Variants in MIER1 observed in about 807,000 individuals in gnomAD.
MIER1 encodes the protein MIER1 transcriptional regulator.
In MIER1, 40 loss-of-function variants were observed where a neutral mutation model predicts 75.7. The ratio of observed to expected loss-of-function variants is 0.53; its 90% confidence interval spans 0.41 to 0.69. The LOEUF is 0.69. MIER1 is among the 30% of genes least tolerant of loss of function. The probability of loss-of-function intolerance (pLI) is 0.00; values close to 1 mark genes in which losing one functional copy is unlikely to be tolerated. For missense variants in MIER1, 574 were observed against 680.2 expected, an observed-to-expected ratio of 0.84 and a Z score of 1.74; for synonymous variants, 213 against 223.4, an observed-to-expected ratio of 0.95 and a Z score of 0.42.
chr1:66,930,233 G>C, intron 2 of MIER1: 1 of 1,437,656 alleles, frequency 7.0e-7, no homozygotes, highest in Non-Finnish European at 9.1e-7. Context: ...GGTGTGGTGG[G>C]CGCGCTCGGG....
At chr1:66,967,091 AGT>A (rs1662575381) in intron 8 of MIER1, among the ~76,000 whole-genome samples, 1 of 152,100 alleles carries the variant, frequency 6.6e-6, no homozygotes, top group Admixed American at 6.6e-5. Flanking sequence ...CCCTCAGTCC[AGT>A]GTCCTGCAGA....
chr1:66,938,614 C>G (rs1333977981), intron 2 of MIER1, among the ~76,000 whole-genome samples: 2 of 152,080 alleles, frequency 1.3e-5, no homozygotes, highest in Non-Finnish European at 2.9e-5. Flanking sequence ...AGCTAGAAAC[C>G]CTTTTTGTGG....
At chr1:66,968,154 A>G (rs977869792) in intron 8 of MIER1, among the ~76,000 whole-genome samples, 1 of 152,130 alleles carries the variant, frequency 6.6e-6, no homozygotes, top group Non-Finnish European at 1.5e-5. Context: ...TAGTTTGTGT[A>G]AGGAGGATCA....
chr1:66,968,101 G>A (rs1024704770), intron 8 of MIER1, among the ~76,000 whole-genome samples: 12 of 151,922 alleles, frequency 7.9e-5, no homozygotes, highest in Non-Finnish European at 1.3e-4. Context: ...TTTCAGGGAC[G>A]AGTGATTTAT....
intron 2 of MIER1, among the ~76,000 whole-genome samples, chr1:66,935,043 C>T (rs1303999302): frequency 6.6e-6 from 1 of 152,118 alleles, no homozygotes; most frequent in Admixed American, 6.5e-5. Flanking sequence ...CGGTAATACT[C>T]ATTGCAAATA....
intron 7 of MIER1, 100 bp from the exon 8 acceptor site, chr1:66,962,988 C>A: frequency 1.3e-6 from 1 of 756,082 alleles, no homozygotes; most frequent in Non-Finnish European, 2.2e-6. Context: ...TATTTTATGA[C>A]AGAGAAACCA....
chr1:66,958,972 A>G lies in MIER1; in HGVS notation c.623A>G (p.Tyr208Cys), dbSNP rs1366544694. The G allele has an allele frequency of 6.2e-7, 1 of 1,612,704 alleles. No homozygotes were observed. The change falls in exon 6 of 14, where the codon TAT becomes TGT. Residue 208 changes from tyrosine to cysteine, a missense_variant. By Grantham distance (194) the Tyr-to-Cys change is radical. Around this residue, in one of 3 missense-constraint regions of MIER1, gnomAD observed 309 missense variants for 352.8 expected, o/e 0.88. Coordinates refer to ENST00000401041, the MANE Select transcript of MIER1 (RefSeq NM_001077700.3). ...QEIIRPRRCKYFDTNSEVEEE... is the reference protein window; with the variant it reads ...QEIIRPRRCKCFDTNSEVEEE... ...ATAATCCGCCCACGTCGATGTAAATATTTTGATACAAGTAAGTGTTACTGG... is the reference window on the plus strand; with the variant it reads ...ATAATCCGCCCACGTCGATGTAAATGTTTTGATACAAGTAAGTGTTACTGG...
chr1:66,947,412 C>T (rs1035353528), intron 4 of MIER1: 2 of 152,024 alleles, frequency 1.3e-5, no homozygotes, highest in African/African-American at 4.8e-5. Flanking sequence ...TTTCCCTGTC[C>T]TATCAGTAAA....
At chr1:66,953,613 A>G (rs908096313) in intron 4 of MIER1, among the ~76,000 whole-genome samples, 2 of 120,374 alleles carry the variant, frequency 1.7e-5, no homozygotes, top group Non-Finnish European at 3.2e-5. Context: ...TTTTTTTTTT[A>G]ATATTCTTGA....
chr1:66,983,319 T>C (rs908888678), intron 13 of MIER1, among the ~76,000 whole-genome samples: 13 of 152,252 alleles, frequency 8.5e-5, no homozygotes, highest in African/African-American at 3.1e-4. Context: ...CAATATATTA[T>C]GATGCATAAT....
At chr1:66,955,872 G>A (rs1017468917) in intron 4 of MIER1, among the ~76,000 whole-genome samples, 1 of 152,074 alleles carries the variant, frequency 6.6e-6, no homozygotes, top group Non-Finnish European at 1.5e-5. Context: ...CTTAAGAAAC[G>A]TTACATGACC....
Position 66,986,574 on chromosome 1 carries a change from T to G in MIER1, c.*1674T>G. 1.1e-6 allele frequency: 1 copy of G among 935,904 alleles called. No homozygotes were observed. The highest frequency in any genetic ancestry group is 1.7e-6 in the Non-Finnish European group (1 of 580,772). 58.0% of individuals were successfully genotyped at this position (935,904 alleles called of 1,614,324 possible). A position where few individuals can be genotyped will look rare whatever the true frequency, so the allele number is the denominator to read the frequency against. On this transcript the variant is annotated 3_prime_UTR_variant, in exon 14 of 14. Transcript: ENST00000401041. ...TTCAGGCCTTACCCCCATGAAGTAT[T>G]ACTGTTAACATATGTTCGGACTGCT... is the stretch of plus-strand genomic sequence containing the variant.
At chr1:66,942,371 A>G (rs530920737) in intron 3 of MIER1, among the ~76,000 whole-genome samples, 2 of 152,326 alleles carry the variant, frequency 1.3e-5, no homozygotes, top group Non-Finnish European at 2.9e-5. Flanking sequence ...TAAGACTAGT[A>G]GCCATTAGAG....
intron 12 of MIER1, among the ~76,000 whole-genome samples, chr1:66,981,256 A>G (rs1003462770): frequency 2.6e-5 from 4 of 152,184 alleles, no homozygotes; most frequent in African/African-American, 9.7e-5. Context: ...GGATAAAACC[A>G]GCAGATAATC....
At position 66,980,110 on chromosome 1, in the gene MIER1, C is replaced by T. The variant is rs370575626; in HGVS notation, c.1230-1669C>T. 1.4e-4 allele frequency among the ~76,000 whole-genome samples: 22 copies of T among 152,294 alleles called. No homozygotes were observed. The East Asian group carries it at 2.3e-3, about 16-fold the overall frequency. On this transcript the variant is annotated intron_variant, in intron 12 of 13. Transcript: ENST00000401041. ...TTCATATTATCCATTCCCACTATAA[C>T]GTATTTATTTCCAACAATTCCTCAT...
chr1:66,930,551 A>G, intron 2 of MIER1: 1 of 786,966 alleles, frequency 1.3e-6, no homozygotes, highest in Admixed American at 3.4e-5. Flanking sequence ...TCTGGGCGGG[A>G]GCTTCGCCTG....
chr1:66,929,839 G>A (rs181476500), intron 2 of MIER1, among the ~76,000 whole-genome samples: 1 of 152,304 alleles, frequency 6.6e-6, no homozygotes, highest in African/African-American at 2.4e-5. Flanking sequence ...AGGCATAACC[G>A]CTTTCAAAGC....
chr1:66,972,849 A>G (rs562839061), intron 10 of MIER1, 48 bp from the exon 11 acceptor site: 21 of 960,540 alleles, frequency 2.2e-5, no homozygotes, highest in Middle Eastern at 2.1e-4. Context: ...GTTATATGCA[A>G]TAATTGGGGG....
At chr1:66,927,832 G>C (rs1415534498) in intron 2 of MIER1, among the ~76,000 whole-genome samples, 2 of 152,090 alleles carry the variant, frequency 1.3e-5, no homozygotes, top group Non-Finnish European at 2.9e-5. Context: ...TGACAGGGTA[G>C]AGAATTGACT....
Sources: allele counts gnomAD v4.1 joint callset (sites outside exome capture counted in the v4.1 genomes callset), GRCh38; gene constraint gnomAD v4.1.1; regional missense constraint gnomAD v4.1.1; transcripts MANE v1.5; gene names NCBI Gene and HGNC (gene_info 2026-07-23, HGNC 2026-07-21).